THSD4: variants seen among roughly 807,000 people sequenced by gnomAD.
The protein encoded by THSD4 is thrombospondin type 1 domain containing 4.
Under a neutral mutation model 119.0 loss-of-function variants are expected in THSD4, and 69 were observed. That is an observed-to-expected ratio of 0.58 (90% CI 0.48 to 0.71). The LOEUF (loss-of-function observed/expected upper bound fraction) is 0.71. THSD4 is among the 30% of genes least tolerant of loss of function. THSD4 has a pLI of 0.00. For synonymous variants in THSD4, 524 were observed against 540.4 expected (o/e 0.97, Z 0.42); for missense variants, 1,393 against 1,391.1 (o/e 1.00, Z -0.02).
chr15:71,546,729 A>T (rs2048843225), intron 7 of THSD4, among the ~76,000 whole-genome samples: 1 of 152,180 alleles, frequency 6.6e-6, no homozygotes, highest in African/African-American at 2.4e-5. Flanking sequence ...TGGTGCACAA[A>T]CACACATCAC....
chr15:71,624,495 T>G (rs1392568210), intron 7 of THSD4, among the ~76,000 whole-genome samples: 2 of 152,244 alleles, frequency 1.3e-5, no homozygotes, highest in African/African-American at 4.8e-5. Context: ...GTATATTTCT[T>G]TGCCATGGAG....
At chr15:71,440,693 T>A (rs1468446270) in intron 7 of THSD4, among the ~76,000 whole-genome samples, 1 of 152,158 alleles carries the variant, frequency 6.6e-6, no homozygotes, top group Non-Finnish European at 1.5e-5. Flanking sequence ...AGTACTAAAA[T>A]TACATATCTT....
In THSD4 at chr15:71,141,481, G is replaced by A. The variant is rs1203034158; in HGVS notation, c.-47G>A. ...ACGCAACTCCCAATTGCAGAAAATTGGCAACGTCTCTGAAGAGCCCTTGCT... is the reference window on the plus strand; with the variant it reads ...ACGCAACTCCCAATTGCAGAAAATTAGCAACGTCTCTGAAGAGCCCTTGCT... On this transcript the variant is annotated 5_prime_UTR_variant, in exon 2 of 18. Coordinates refer to ENST00000261862, the MANE Select transcript of THSD4 (RefSeq NM_024817.3). 1.3e-6 allele frequency: 2 copies of A among 1,567,642 alleles called. No individual in the cohort carries two copies. Among genetic ancestry groups the A allele is most frequent in the Non-Finnish European group, 1.7e-6 (2 of 1,159,348 alleles).
At chr15:71,626,108 G>A (rs1327924615) in intron 7 of THSD4, among the ~76,000 whole-genome samples, 1 of 152,166 alleles carries the variant, frequency 6.6e-6, no homozygotes, top group African/African-American at 2.4e-5. Flanking sequence ...TGGTGCTATT[G>A]TGAAGAGTAT....
At chr15:71,164,061 T>C (rs1417422100) in intron 3 of THSD4, among the ~76,000 whole-genome samples, 1 of 152,010 alleles carries the variant, frequency 6.6e-6, no homozygotes, top group Non-Finnish European at 1.5e-5. Flanking sequence ...AGTTTGTAAA[T>C]GTAAGTGGGC....
At position 71,777,789 on chromosome 15, in the gene THSD4, G is replaced by GCAGCGCCCCCAACC. The variant is rs1385477857; in HGVS notation, c.*425_*438dup. On this transcript the variant is annotated 3_prime_UTR_variant, in exon 18 of 18. Coordinates refer to ENST00000261862, the MANE Select transcript of THSD4 (RefSeq NM_024817.3). ...TTAGCACCCTGGAGAGTCCAAGGAGGCAGCGCCCCCAACCCAGCGCCCCAC... is the reference window on the plus strand; with the variant it reads ...TTAGCACCCTGGAGAGTCCAAGGAGGCAGCGCCCCCAACCCAGCGCCCCCAACCCAGCGCCCCAC... The GCAGCGCCCCCAACC allele has an allele frequency of 5.1e-6, 1 of 196,398 alleles. No individual in the cohort carries two copies. Among genetic ancestry groups the GCAGCGCCCCCAACC allele is most frequent in the Non-Finnish European group, 1.1e-5 (1 of 93,184 alleles). 12.2% of individuals were successfully genotyped at this position (196,398 alleles called of 1,614,324 possible). A position where few individuals can be genotyped will look rare whatever the true frequency, so the allele number is the denominator to read the frequency against.
At chr15:71,322,102 T>C (rs74596391) in intron 6 of THSD4, among the ~76,000 whole-genome samples, 1 of 152,210 alleles carries the variant, frequency 6.6e-6, no homozygotes, top group African/African-American at 2.4e-5. Context: ...AATGGTTTTT[T>C]AAAATTCATT....
intron 6 of THSD4, among the ~76,000 whole-genome samples, chr15:71,382,958 A>G (rs962062447): frequency 2.0e-5 from 3 of 152,248 alleles, no homozygotes; most frequent in Admixed American, 1.3e-4. Flanking sequence ...ACTTTAAGAC[A>G]TTAAGTTACT....
chr15:71,323,172 T>A (rs1467458947), intron 6 of THSD4, among the ~76,000 whole-genome samples: 1 of 151,562 alleles, frequency 6.6e-6, no homozygotes, highest in East Asian at 1.9e-4. Context: ...AAGTGCTTAC[T>A]GTCATCATTC....
chr15:71,547,774 A>G, intron 7 of THSD4: 1 of 226,010 alleles, frequency 4.4e-6, no homozygotes, highest in East Asian at 8.0e-5. Flanking sequence ...CTCCTGCTGT[A>G]GCAGAAAAAA....
chr15:71,395,182 G>C (rs2046431499), intron 6 of THSD4, among the ~76,000 whole-genome samples: 1 of 152,206 alleles, frequency 6.6e-6, no homozygotes, highest in Non-Finnish European at 1.5e-5. Context: ...GGACCGGATG[G>C]CTGTGAGGAG....
chr15:71,417,797 G>A lies in THSD4; in HGVS notation c.1152+5974G>A, dbSNP rs2046775760. On this transcript the variant is annotated intron_variant, in intron 7 of 17. Transcript: ENST00000261862. ...AAGAATTTCATTGGTATTTTGATAA[G>A]GATTACATTAAATCTGTAATTCGCT... is the stretch of plus-strand genomic sequence containing the variant. 1.9e-5 allele frequency among the ~76,000 whole-genome samples: 2 copies of A among 108,102 alleles called. 1 individual carries two copies. The highest frequency in any genetic ancestry group is 6.3e-5 in the African/African-American group (2 of 31,792). The allele number at this position is 108,102 out of a possible 152,430, so 70.9% of individuals were successfully genotyped here. A position where few individuals can be genotyped will look rare whatever the true frequency, so the allele number is the denominator to read the frequency against.
intron 1 of THSD4, among the ~76,000 whole-genome samples, chr15:71,105,194 G>C (rs2415106): frequency 0.22 from 33,788 of 152,074 alleles, 4,844 homozygotes; most frequent in African/African-American, 0.41. Flanking sequence ...CAATCACCAG[G>C]CCAGGTCTCT....
intron 6 of THSD4, among the ~76,000 whole-genome samples, chr15:71,409,219 C>G (rs1412732821): frequency 6.6e-6 from 1 of 151,642 alleles, no homozygotes; most frequent in Non-Finnish European, 1.5e-5. Flanking sequence ...AATTCTGGCC[C>G]CAAAAGATAG....
At chr15:71,681,058 C>T (rs1480362468) in intron 8 of THSD4, among the ~76,000 whole-genome samples, 2 of 151,684 alleles carry the variant, frequency 1.3e-5, no homozygotes, top group African/African-American at 4.8e-5. Flanking sequence ...AGCTGGATTA[C>T]AGGCATGTGC....
At chr15:71,435,222 G>C (rs1317175997) in intron 7 of THSD4, among the ~76,000 whole-genome samples, 2 of 152,094 alleles carry the variant, frequency 1.3e-5, no homozygotes, top group Non-Finnish European at 2.9e-5. Flanking sequence ...CTCTGACTGG[G>C]AAACCAACCC....
At chr15:71,370,876 G>T (rs1341945281) in intron 6 of THSD4, among the ~76,000 whole-genome samples, 11 of 152,146 alleles carry the variant, frequency 7.2e-5, no homozygotes, top group Non-Finnish European at 1.6e-4. Flanking sequence ...GTTGACAGTG[G>T]GGTGTTAAAG....
intron 8 of THSD4, among the ~76,000 whole-genome samples, chr15:71,665,814 TGGCCTTATTTCTG>T (rs1417799646): frequency 6.6e-6 from 1 of 152,138 alleles, no homozygotes; most frequent in Non-Finnish European, 1.5e-5. Context: ...GGTAGGTGTG[TGGCCTTATTTCTG>T]GGCCTTATTT....
In THSD4 at chr15:71,748,547, A is replaced by G; in HGVS notation, c.2368A>G (p.Met790Val). The change falls in exon 14 of 18, where the codon ATG becomes GTG. Residue 790 changes from methionine to valine, a missense_variant. Met to Val is a conservative substitution (Grantham distance 21, BLOSUM62 1). Coordinates refer to ENST00000261862, the MANE Select transcript of THSD4 (RefSeq NM_024817.3). The stretch of plus-strand genomic sequence containing the variant: ...GCCGAATGACATTGAGAACTGCGAC[A>G]TGGGACCCTGTGCCAAGAGCTGGTT... ...LRPNDIENCD[M>V]GPCAKSWFLT... 3 of 1,614,216 alleles carry G rather than the reference A, an allele frequency of 1.9e-6. No homozygotes were observed. The highest frequency in any genetic ancestry group is 2.5e-6 in the Non-Finnish European group (3 of 1,180,034).
Sources: allele counts gnomAD v4.1 joint callset (sites outside exome capture counted in the v4.1 genomes callset), GRCh38; gene constraint gnomAD v4.1.1; transcripts MANE v1.5; gene names NCBI Gene and HGNC (gene_info 2026-07-23, HGNC 2026-07-21).